Variants in ISM1 observed in about 807,000 individuals in gnomAD.
ISM1 encodes isthmin-1.
A neutral mutation model predicts 46.3 loss-of-function variants in ISM1; 25 were observed. That is an observed-to-expected ratio of 0.54 (90% CI 0.39 to 0.75). The LOEUF is 0.75. ISM1 is among the 30% of genes least tolerant of loss of function. The probability of loss-of-function intolerance (pLI) is 0.00; values close to 1 mark genes in which losing one functional copy is unlikely to be tolerated. For missense variants in ISM1, 536 were observed against 625.4 expected, an observed-to-expected ratio of 0.86 and a Z score of 1.52; for synonymous variants, 255 against 256.7, an observed-to-expected ratio of 0.99 and a Z score of 0.06.
At chr20:13,251,289 G>A (rs962635492) in intron 1 of ISM1, among the ~76,000 whole-genome samples, 1 of 152,188 alleles carries the variant, frequency 6.6e-6, no homozygotes, top group Non-Finnish European at 1.5e-5. Flanking sequence ...TCTGGCAGTG[G>A]ATAAGTCAGC....
At chr20:13,259,294 C>G (rs868387426) in intron 1 of ISM1, among the ~76,000 whole-genome samples, 1 of 143,570 alleles carries the variant, frequency 7.0e-6, no homozygotes, top group Non-Finnish European at 1.5e-5. Context: ...AAAAAAAAAA[C>G]AAAAACAAAA....
intron 2 of ISM1, among the ~76,000 whole-genome samples, chr20:13,278,855 G>A (rs2040208419): frequency 6.6e-6 from 1 of 152,176 alleles, no homozygotes; most frequent in African/African-American, 2.4e-5. Context: ...TGGGCTGAGG[G>A]ACCTTGGTTC....
In ISM1 at chr20:13,221,467, T is replaced by TCCG. The variant is rs1415339300; in HGVS notation, c.-295_-293dup. 4.9e-5 allele frequency among the ~76,000 whole-genome samples: 7 copies of TCCG among 142,020 alleles called. No homozygotes were observed. The highest frequency in any genetic ancestry group is 2.2e-4 in the East Asian group (1 of 4,528). The allele number at this position is 142,020 out of a possible 152,430, so 93.2% of individuals were successfully genotyped here. A position where few individuals can be genotyped will look rare whatever the true frequency, so the allele number is the denominator to read the frequency against. ...GCTGTCCCGGGACCCAGTCTCCGTC[T>TCCG]CCGCCGCCGCCGCCGCCAGGCAGCG... On this transcript the variant is annotated 5_prime_UTR_variant, in exon 1 of 6. Coordinates refer to ENST00000262487, the MANE Select transcript of ISM1 (RefSeq NM_080826.2).
At chr20:13,285,325 C>G (rs956384428) in intron 3 of ISM1, among the ~76,000 whole-genome samples, 7 of 150,772 alleles carry the variant, frequency 4.6e-5, no homozygotes, top group Admixed American at 2.0e-4. Context: ...AAAAAAAAAG[C>G]CAACCGCAAA....
At chr20:13,249,886 CTT>C (rs1416103077) in intron 1 of ISM1, among the ~76,000 whole-genome samples, 1 of 152,166 alleles carries the variant, frequency 6.6e-6, no homozygotes, top group Non-Finnish European at 1.5e-5. Context: ...TCTGCACTCT[CTT>C]TTCCTTTTTT....
intron 1 of ISM1, among the ~76,000 whole-genome samples, chr20:13,240,140 T>A (rs1021228905): frequency 6.6e-6 from 1 of 152,216 alleles, no homozygotes; most frequent in African/African-American, 2.4e-5. Context: ...ATTCTACAAT[T>A]CCATTCATTC....
At chr20:13,240,458 C>T (rs1311130996) in intron 1 of ISM1, among the ~76,000 whole-genome samples, 1 of 152,150 alleles carries the variant, frequency 6.6e-6, no homozygotes, top group Non-Finnish European at 1.5e-5. Flanking sequence ...GCCAGTCAGG[C>T]AGACGGAATC....
At position 13,221,651 on chromosome 20, in the gene ISM1, G is replaced by C. The variant is rs1017467847; in HGVS notation, c.-126G>C. 1.9e-5 allele frequency: 15 copies of C among 781,180 alleles called. No homozygotes were observed. Among genetic ancestry groups the C allele is most frequent in the Non-Finnish European group, 2.5e-5 (15 of 597,640 alleles). The allele number at this position is 781,180 out of a possible 1,614,324, so 48.4% of individuals were successfully genotyped here. ...CAGCCCCGCGGGCCCGGGAAGCGGA[G>C]CCCTGGCGGGAGCCGAGGCGGGAGC... On this transcript the variant is annotated 5_prime_UTR_variant, in exon 1 of 6. Transcript: ENST00000262487.
intron 1 of ISM1, chr20:13,239,162 AG>A (rs1431160419): frequency 6.6e-6 from 1 of 152,260 alleles, no homozygotes; most frequent in African/African-American, 2.4e-5. Flanking sequence ...AACATTGAAC[AG>A]CAGGTATTAA....
chr20:13,310,532 C>T, the ISM1 span, among the ~76,000 whole-genome samples: 1 of 152,116 alleles, frequency 6.6e-6, no homozygotes, highest in South Asian at 2.1e-4. Context: ...TTGTCTCCTG[C>T]CCAAATATGT....
intron 1 of ISM1, among the ~76,000 whole-genome samples, chr20:13,257,175 A>G (rs779287751): frequency 7.2e-5 from 11 of 152,166 alleles, no homozygotes; most frequent in Non-Finnish European, 1.6e-4. Flanking sequence ...TGTATGTCTT[A>G]TTGGCTGGAA....
chr20:13,278,580 G>T (rs1194886662), intron 2 of ISM1, among the ~76,000 whole-genome samples: 1 of 152,220 alleles, frequency 6.6e-6, no homozygotes, highest in Non-Finnish European at 1.5e-5. Context: ...CCCCATGTCT[G>T]CCACTTACTA....
At chr20:13,228,618 T>C (rs969236046) in intron 1 of ISM1, among the ~76,000 whole-genome samples, 2 of 152,218 alleles carry the variant, frequency 1.3e-5, no homozygotes, top group African/African-American at 4.8e-5. Flanking sequence ...AGGTTGTGTT[T>C]AGATTCAGGG....
chr20:13,295,264 C>A (rs147096777), intron 5 of ISM1, among the ~76,000 whole-genome samples: 1 of 152,198 alleles, frequency 6.6e-6, no homozygotes, highest in Non-Finnish European at 1.5e-5. Context: ...CCATCATTAT[C>A]GGCTCTGAAT....
chr20:13,321,809 G>A, the ISM1 span, among the ~76,000 whole-genome samples: 1 of 152,224 alleles, frequency 6.6e-6, no homozygotes. Context: ...ACTAGGGAAT[G>A]TCGAAGTGTG....
chr20:13,323,347 C>T, the ISM1 span, among the ~76,000 whole-genome samples: 4 of 152,084 alleles, frequency 2.6e-5, no homozygotes, highest in Non-Finnish European at 5.9e-5. Flanking sequence ...CGGAGCAAGG[C>T]AAGAAAGTTG....
intron 1 of ISM1, among the ~76,000 whole-genome samples, chr20:13,256,395 C>CAAAAA (rs559300861): frequency 5.6e-5 from 4 of 71,794 alleles, no homozygotes; most frequent in Non-Finnish European, 8.5e-5. Flanking sequence ...GACCCCGTCT[C>CAAAAA]AAAAAAAAAA....
At chr20:13,234,795 C>T (rs4814206) in intron 1 of ISM1, among the ~76,000 whole-genome samples, 40,198 of 152,000 alleles carry the variant, frequency 0.26, 5,523 homozygotes, top group African/African-American at 0.35. Context: ...GACTTTTTAA[C>T]GAGGTCATTT....
chr20:13,321,278 A>AAAAAATT, the ISM1 span, among the ~76,000 whole-genome samples: 1 of 137,182 alleles, frequency 7.3e-6, no homozygotes, highest in African/African-American at 2.6e-5. Context: ...AAAAAAAAAG[A>AAAAAATT]TTTTATGACA....
Sources: gnomAD v4.1 joint callset for allele counts (sites outside exome capture counted in the v4.1 genomes callset) on GRCh38, gnomAD v4.1.1 for gene constraint, MANE v1.5 for transcripts, NCBI Gene and HGNC (gene_info 2026-07-23, HGNC 2026-07-21) for gene names.